Variants in CDKL4 observed in about 807,000 individuals in gnomAD.
CDKL4 encodes the protein cyclin dependent kinase like 4.
A neutral mutation model predicts 42.0 loss-of-function variants in CDKL4; 44 were observed. That is an observed-to-expected ratio of 1.05 (90% confidence interval 0.82 to 1.35). The LOEUF is 1.35. Ranked by LOEUF, CDKL4 falls within the 40% of genes most tolerant of loss-of-function variation. The pLI is 0.00. For missense variants in CDKL4, 393 were observed against 369.9 expected (o/e 1.06, Z -0.51); for synonymous variants, 120 against 121.6 (o/e 0.99, Z 0.09).
chr2:39,187,603 A>T, intron 7 of CDKL4, 24 bp downstream of exon 7: 1 of 1,504,172 alleles, frequency 6.6e-7, no homozygotes, highest in South Asian at 1.2e-5. Flanking sequence ...CAAGTAATAA[A>T]ATATTCAAAA....
At chr2:39,220,779 G>T (rs1294314620) in intron 3 of CDKL4, among the ~76,000 whole-genome samples, 1 of 151,034 alleles carries the variant, frequency 6.6e-6, no homozygotes, top group African/African-American at 2.4e-5. Flanking sequence ...TAGAGACAGG[G>T]TTCCACCATG....
rs34568815 is a variant in CDKL4 at position 39,188,560 on chromosome 2, C to CAAA, written c.653-854_653-852dup. On this transcript the variant is annotated intron_variant, in intron 6 of 9. Transcript: ENST00000451199. ...CTGGCAACAGAGTGACAGTCCGTCT[C>CAAA]AAAAAAAAAAAAAAAAAAAAAAAAA... 2.2e-3 allele frequency among the ~76,000 whole-genome samples: 101 copies of CAAA among 45,260 alleles called. 13 individuals carry two copies. Among genetic ancestry groups the CAAA allele is most frequent in the African/African-American group, 0.01 (84 of 8,042 alleles). The allele number at this position is 45,260 out of a possible 152,430, so 29.7% of individuals were successfully genotyped here.
At chr2:39,244,940 T>C (rs573020489), upstream of CDKL4, among the ~76,000 whole-genome samples, 6 of 152,148 alleles carry the variant, frequency 3.9e-5, no homozygotes, top group East Asian at 1.2e-3. Context: ...GTCGCTACTC[T>C]GTATCTAACT....
At chr2:39,187,491 G>T in intron 7 of CDKL4, 136 bp downstream of exon 7, 1 of 608,212 alleles carries the variant, frequency 1.6e-6, no homozygotes, top group Non-Finnish European at 2.8e-6. Context: ...GCTGCAGTGA[G>T]CCATGACCTT....
intron 9 of CDKL4, among the ~76,000 whole-genome samples, chr2:39,177,028 T>G (rs1675193712): frequency 1.3e-5 from 2 of 152,076 alleles, no homozygotes; most frequent in Non-Finnish European, 2.9e-5. Flanking sequence ...GGACCCACCA[T>G]GCAGAGGTGG....
chr2:39,246,749 CTTTT>C (rs140188399), upstream of CDKL4, among the ~76,000 whole-genome samples: 1 of 146,926 alleles, frequency 6.8e-6, no homozygotes, highest in African/African-American at 2.5e-5. Context: ...CCTCTTGTAC[CTTTT>C]TTTTTTTGGA....
At chr2:39,229,465 T>C (rs1458976516) in exon 2 of CDKL4, 1 of 1,613,668 alleles carries the variant, frequency 6.2e-7, no homozygotes, top group East Asian at 2.2e-5. Context: ...AGAGGTTTTG[T>C]TTCTGCATTT....
At chr2:39,204,445 T>C in intron 5 of CDKL4, 82 bp downstream of exon 5, 1 of 821,980 alleles carries the variant, frequency 1.2e-6, no homozygotes, top group Admixed American at 2.0e-5. Context: ...TTGGCATATG[T>C]CCAATATCCA....
chr2:39,230,430 T>G (rs1008347540), intron 1 of CDKL4, among the ~76,000 whole-genome samples: 4 of 152,244 alleles, frequency 2.6e-5, no homozygotes, highest in African/African-American at 9.6e-5. Flanking sequence ...TCTTAAGTTC[T>G]TAGCCCCAAA....
chr2:39,173,606 G>A (rs970384846), downstream of CDKL4, among the ~76,000 whole-genome samples: 4 of 151,890 alleles, frequency 2.6e-5, no homozygotes, highest in Non-Finnish European at 5.9e-5. Flanking sequence ...TCAGAAGATC[G>A]AGACTATCCT....
rs1207440268 is a variant in CDKL4 at position 39,185,416 on chromosome 2, AT to A, written c.736-770del. On this transcript the variant is annotated intron_variant, in intron 7 of 9. Transcript: ENST00000451199. ...TATATATACATATGTGTATATATAC[AT>A]ATATATATACATATGTATATATACA... is the stretch of plus-strand genomic sequence containing the variant. 4.1e-4 allele frequency among the ~76,000 whole-genome samples: 8 copies of A among 19,458 alleles called. 2 individuals are homozygous for A. 12.8% of individuals were successfully genotyped at this position (19,458 alleles called of 152,430 possible).
At position 39,226,068 on chromosome 2, in the gene CDKL4, T is replaced by A. The variant is rs957078003; in HGVS notation, c.169-108A>T. The A allele has an allele frequency of 1.1e-5, 12 of 1,134,650 alleles. No homozygotes were observed. In the Admixed American group the frequency reaches 3.4e-4, roughly 32 times the overall value. 70.3% of individuals were successfully genotyped at this position (1,134,650 alleles called of 1,614,324 possible). On this transcript the variant is annotated intron_variant, in intron 2 of 9. Transcript: ENST00000451199. ...TGGAAGAAATTTAAGATTCATCCAA[T>A]GTACCTATAATAAGTGGTAACAAAA...
Position 39,185,307 on chromosome 2 carries a change from T to C in CDKL4, c.736-660A>G, listed in dbSNP as rs1415019707. On this transcript the variant is annotated intron_variant, in intron 7 of 9. Coordinates refer to ENST00000451199, the Ensembl canonical transcript of CDKL4. ...GTATATATACATATATATACACATA[T>C]GTATATATACATATATATACACATA... Among the ~76,000 whole-genome samples, 3 of 30,040 alleles carry C rather than the reference T, an allele frequency of 1.0e-4. 1 individual carries two copies. In the South Asian group the frequency reaches 3.8e-3, roughly 38 times the overall value. 19.7% of individuals were successfully genotyped at this position (30,040 alleles called of 152,430 possible).
intron 5 of CDKL4, among the ~76,000 whole-genome samples, chr2:39,199,386 T>C (rs952815476): frequency 3.9e-5 from 6 of 151,916 alleles, no homozygotes; most frequent in Admixed American, 3.9e-4. Context: ...ACCAGAGAGA[T>C]TCACAGCTAA....
chr2:39,221,539 G>A (rs889800812), intron 3 of CDKL4, among the ~76,000 whole-genome samples: 1 of 152,100 alleles, frequency 6.6e-6, no homozygotes, highest in Non-Finnish European at 1.5e-5. Flanking sequence ...TTATCTAGAA[G>A]TACCCAACAT....
At chr2:39,191,573 C>A (rs1676186323) in intron 5 of CDKL4, among the ~76,000 whole-genome samples, 1 of 152,158 alleles carries the variant, frequency 6.6e-6, no homozygotes, top group African/African-American at 2.4e-5. Flanking sequence ...ATGGCAGCCC[C>A]AGGAAACTAA....
At chr2:39,219,059 C>T (rs1363543153) in intron 3 of CDKL4, among the ~76,000 whole-genome samples, 1 of 152,192 alleles carries the variant, frequency 6.6e-6, no homozygotes, top group Non-Finnish European at 1.5e-5. Context: ...ATGTAAATTG[C>T]ACAAGGGCAA....
intron 4 of CDKL4, among the ~76,000 whole-genome samples, chr2:39,206,399 T>C (rs140561576): frequency 0.025 from 3,798 of 152,300 alleles, 54 homozygotes; most frequent in Middle Eastern, 0.031. Context: ...TTCTTTCATA[T>C]GCAGCGGCCT....
intron 1 of CDKL4, among the ~76,000 whole-genome samples, chr2:39,235,451 T>C (rs903755242): frequency 8.5e-5 from 13 of 152,174 alleles, no homozygotes; most frequent in African/African-American, 2.7e-4. Context: ...AACAAGCTTA[T>C]TGATAATCAA....
Sources: allele counts gnomAD v4.1 joint callset (sites outside exome capture counted in the v4.1 genomes callset), GRCh38; gene constraint gnomAD v4.1.1; transcripts MANE v1.5; gene names NCBI Gene and HGNC (gene_info 2026-07-23, HGNC 2026-07-21).